Variants in OSBPL1A observed in about 807,000 individuals in gnomAD.
OSBPL1A encodes oxysterol-binding protein-related protein 1.
OSBPL1A carries 80 observed loss-of-function variants against 137.1 expected under a neutral mutation model. That is an observed-to-expected ratio of 0.58 (90% confidence interval 0.49 to 0.70). OSBPL1A has a LOEUF of 0.70. Among genes scored for constraint, OSBPL1A ranks in the 30% least tolerant of loss-of-function variants. OSBPL1A has a pLI of 0.00. For synonymous variants in OSBPL1A, 365 were observed against 389.7 expected, an observed-to-expected ratio of 0.94 and a Z score of 0.75; for missense variants, 970 against 1,129.4, an observed-to-expected ratio of 0.86 and a Z score of 2.02.
chr18:24,206,657 A>T (rs72883273), intron 17 of OSBPL1A, among the ~76,000 whole-genome samples: 1,803 of 152,190 alleles, frequency 0.012, 17 homozygotes, highest in Non-Finnish European at 0.018. Context: ...TCTCTGGGAG[A>T]CTTCGAGCAT....
chr18:24,374,931 G>A (rs188211621), intron 2 of OSBPL1A, among the ~76,000 whole-genome samples: 2 of 152,040 alleles, frequency 1.3e-5, no homozygotes, highest in Admixed American at 6.6e-5. Context: ...TCCACCACAC[G>A]AACACACAGC....
At chr18:24,347,841 GA>G (rs34599277) in intron 4 of OSBPL1A, 1,284 of 55,646 alleles carry the variant, frequency 0.023, 14 homozygotes, top group African/African-American at 0.076. Flanking sequence ...CACTCCATCT[GA>G]AAAAAAAAAA....
intron 4 of OSBPL1A, among the ~76,000 whole-genome samples, chr18:24,348,009 TAG>T (rs925929149): frequency 1.5e-4 from 23 of 152,052 alleles, no homozygotes; most frequent in Non-Finnish European, 3.2e-4. Context: ...TATACTGTTA[TAG>T]AGAGGGCAGG....
intron 17 of OSBPL1A, among the ~76,000 whole-genome samples, chr18:24,209,121 T>C (rs1185642380): frequency 6.6e-6 from 1 of 152,198 alleles, no homozygotes; most frequent in African/African-American, 2.4e-5. Context: ...AAGACTTCTG[T>C]TCATTATTAA....
chr18:24,170,495 G>T (rs1276410367), intron 23 of OSBPL1A, 42 bp from the exon 24 acceptor site: 2 of 1,612,134 alleles, frequency 1.2e-6, no homozygotes, highest in Non-Finnish European at 1.7e-6. Context: ...ACCAGTGTTT[G>T]TTTTTTTAAA....
intron 14 of OSBPL1A, among the ~76,000 whole-genome samples, chr18:24,287,739 T>C (rs1057331071): frequency 2.1e-5 from 3 of 146,208 alleles, no homozygotes; most frequent in Admixed American, 6.9e-5. Flanking sequence ...GCCACTGCAC[T>C]CCAGCCTGGG....
intron 4 of OSBPL1A, among the ~76,000 whole-genome samples, chr18:24,346,689 CAT>C (rs1368447146): frequency 9.2e-5 from 14 of 152,278 alleles, no homozygotes; most frequent in Non-Finnish European, 1.3e-4. Flanking sequence ...GACTATACCA[CAT>C]GTTTATCTAT....
At chr18:24,240,553 A>G (rs1219332498) in intron 15 of OSBPL1A, among the ~76,000 whole-genome samples, 3 of 152,216 alleles carry the variant, frequency 2.0e-5, no homozygotes, top group African/African-American at 4.8e-5. Context: ...TGTGCACTAT[A>G]GACAGACAGG....
intron 17 of OSBPL1A, among the ~76,000 whole-genome samples, chr18:24,203,549 A>G (rs910144370): frequency 2.0e-5 from 3 of 152,206 alleles, no homozygotes; most frequent in Non-Finnish European, 2.9e-5. Flanking sequence ...AGGCACATGT[A>G]CACGTATGTA....
intron 16 of OSBPL1A, among the ~76,000 whole-genome samples, chr18:24,227,649 A>T (rs925359807): frequency 1.3e-5 from 2 of 152,114 alleles, no homozygotes; most frequent in Non-Finnish European, 2.9e-5. Context: ...GCAAATTTTG[A>T]AACAGTGGAA....
intron 16 of OSBPL1A, among the ~76,000 whole-genome samples, chr18:24,233,251 T>C (rs1289606321): frequency 6.6e-6 from 1 of 152,182 alleles, no homozygotes; most frequent in Non-Finnish European, 1.5e-5. Context: ...CATGTACCTT[T>C]AGTTTTCTCT....
chr18:24,324,603 TAAA>T (rs71163674), intron 7 of OSBPL1A, among the ~76,000 whole-genome samples: 13 of 5,652 alleles, frequency 2.3e-3, no homozygotes, highest in African/African-American at 6.1e-3. Context: ...AATATGAATA[TAAA>T]AAAAAAAAAA....
At chr18:24,256,423 C>G (rs750376054) in intron 15 of OSBPL1A, among the ~76,000 whole-genome samples, 1 of 151,776 alleles carries the variant, frequency 6.6e-6, no homozygotes, top group Non-Finnish European at 1.5e-5. Context: ...ATTCAACATC[C>G]CTTTATGACA....
At chr18:24,392,400 C>T (rs1223863077) in intron 1 of OSBPL1A, among the ~76,000 whole-genome samples, 1 of 152,154 alleles carries the variant, frequency 6.6e-6, no homozygotes, top group Non-Finnish European at 1.5e-5. Flanking sequence ...TTCAGGTGAT[C>T]TGCCCACCTC....
chr18:24,197,334 G>A (rs994759702), intron 17 of OSBPL1A, among the ~76,000 whole-genome samples: 2 of 152,122 alleles, frequency 1.3e-5, no homozygotes, highest in African/African-American at 2.4e-5. Flanking sequence ...GCAACAGAGC[G>A]AGATTCTGTC....
chr18:24,386,970 T>C (rs908856828), intron 1 of OSBPL1A, among the ~76,000 whole-genome samples: 2 of 152,122 alleles, frequency 1.3e-5, no homozygotes, highest in African/African-American at 2.4e-5. Context: ...AACATATATA[T>C]ACTTTTTTGA....
rs201337919 is a variant in OSBPL1A, at chr18:24,303,728, A to G, written c.1093-10T>C. The G allele has an allele frequency of 3.7e-6, 6 of 1,605,136 alleles. No homozygotes were observed. The highest frequency in any genetic ancestry group is 1.7e-5 in the Admixed American group (1 of 59,508). On this transcript the variant is annotated splice_polypyrimidine_tract_variant and intron_variant, in intron 13 of 27. Transcript: ENST00000319481. ...GGCATGACTGTGCTTTCTGCAAAAA[A>G]AGAAAAGACAAAATTAAAACAAAGT...
intron 18 of OSBPL1A, among the ~76,000 whole-genome samples, chr18:24,191,400 G>A (rs2086889263): frequency 6.6e-6 from 1 of 152,114 alleles, no homozygotes; most frequent in Non-Finnish European, 1.5e-5. Flanking sequence ...CTATTAATAT[G>A]AGCAAAGCTC....
chr18:24,178,948 T>C (rs2086525106), intron 20 of OSBPL1A: 1 of 152,220 alleles, frequency 6.6e-6, no homozygotes, highest in Non-Finnish European at 1.5e-5. Context: ...AGAACTGCAC[T>C]TACAGATGCA....
Sources: gnomAD v4.1 joint callset for allele counts (sites outside exome capture counted in the v4.1 genomes callset) on GRCh38, gnomAD v4.1.1 for gene constraint, MANE v1.5 for transcripts, NCBI Gene and HGNC (gene_info 2026-07-23, HGNC 2026-07-21) for gene names.